The following UCK2 variants were observed in gnomAD, a reference collection of about 807,000 sequenced individuals.
The protein encoded by UCK2 is uridine-cytidine kinase 2.
A neutral mutation model predicts 30.8 loss-of-function variants in UCK2; 6 were observed. The ratio of observed to expected loss-of-function variants is 0.19; its 90% CI spans 0.11 to 0.38. UCK2 has a LOEUF of 0.38. UCK2 is among the 10% of genes least tolerant of loss of function. UCK2 has a pLI of 1.00. For synonymous variants in UCK2, 125 were observed against 133.6 expected (o/e 0.94, Z 0.45); for missense variants, 210 against 339.8 (o/e 0.62, Z 3.00).
chr1:165,839,513 G>T (rs1208405927), intron 1 of UCK2, among the ~76,000 whole-genome samples: 2 of 152,150 alleles, frequency 1.3e-5, no homozygotes, highest in Non-Finnish European at 2.9e-5. Context: ...GGCTCTTCTT[G>T]CTGGGTCTTG....
chr1:165,880,927 C>T (rs1655482714), intron 1 of UCK2, among the ~76,000 whole-genome samples: 1 of 151,828 alleles, frequency 6.6e-6, no homozygotes, highest in Admixed American at 6.6e-5. Context: ...ATCCCAGCAC[C>T]ATGGGAGGCC....
chr1:165,858,442 T>A (rs1654808653), intron 1 of UCK2, among the ~76,000 whole-genome samples: 1 of 152,154 alleles, frequency 6.6e-6, no homozygotes, highest in Non-Finnish European at 1.5e-5. Flanking sequence ...GAGCCTTGCC[T>A]ACATTAGCTC....
At chr1:165,838,710 A>C (rs1161929946) in intron 1 of UCK2, among the ~76,000 whole-genome samples, 1 of 151,808 alleles carries the variant, frequency 6.6e-6, no homozygotes, top group Non-Finnish European at 1.5e-5. Flanking sequence ...TTGGTCTTGT[A>C]AGTGTGCATG....
chr1:165,857,725 G>A (rs1454951622), intron 1 of UCK2, among the ~76,000 whole-genome samples: 2 of 152,208 alleles, frequency 1.3e-5, no homozygotes, highest in African/African-American at 4.8e-5. Flanking sequence ...GCGAAGCGAA[G>A]CATTTGAATG....
At position 165,827,891 on chromosome 1, in the gene UCK2, C is replaced by A; in HGVS notation, c.58C>A (p.Pro20Thr). The change falls in exon 1 of 7, where the codon CCC becomes ACC. Residue 20 changes from proline to threonine, a missense_variant. Transcript: ENST00000367879. ...QNHQQPNGGE[P>T]FLIGVSGGTA... The stretch of plus-strand genomic sequence containing the variant: ...CCACCAGCAGCCCAACGGCGGCGAG[C>A]CCTTCCTTATAGGCGTCAGCGGGGG... The A allele has an allele frequency of 6.8e-7, 1 of 1,477,552 alleles. No homozygotes were observed. Among genetic ancestry groups the A allele is most frequent in the Non-Finnish European group, 9.0e-7 (1 of 1,107,204 alleles). 91.5% of individuals were successfully genotyped at this position (1,477,552 alleles called of 1,614,324 possible). A position where few individuals can be genotyped will look rare whatever the true frequency, so the allele number is the denominator to read the frequency against.
chr1:165,836,208 A>G (rs1654184503), intron 1 of UCK2, among the ~76,000 whole-genome samples: 1 of 151,970 alleles, frequency 6.6e-6, no homozygotes, highest in African/African-American at 2.4e-5. Context: ...AGCCTGGGCG[A>G]CAAGAGCAAG....
rs776811720 is a variant in UCK2 at position 165,910,320 on chromosome 1, G to A, written c.*2497G>A. ...CTGATTCCATGGAGAGTCAGGAGTA[G>A]AATTAGTGGACCAGAAACCATGACA... On this transcript the variant is annotated 3_prime_UTR_variant, in exon 7 of 7. Transcript: ENST00000367879. 4 of 152,248 alleles carry A rather than the reference G, an allele frequency of 2.6e-5. No individual in the cohort carries two copies. Among genetic ancestry groups the A allele is most frequent in the Non-Finnish European group, 4.4e-5 (3 of 68,068 alleles). The allele number at this position is 152,248 out of a possible 1,614,324, so 9.4% of individuals were successfully genotyped here. A position where few individuals can be genotyped will look rare whatever the true frequency, so the allele number is the denominator to read the frequency against.
intron 1 of UCK2, among the ~76,000 whole-genome samples, chr1:165,842,068 G>T (rs191734471): frequency 1.2e-4 from 19 of 152,324 alleles, no homozygotes; most frequent in Admixed American, 7.2e-4. Context: ...CGTTGGAGCT[G>T]TAGATTCTTT....
chr1:165,839,868 C>T lies in UCK2; in HGVS notation c.99+11936C>T, dbSNP rs779971967. 5.9e-5 allele frequency among the ~76,000 whole-genome samples: 9 copies of T among 152,194 alleles called. No individual in the cohort carries two copies. The South Asian group carries it at 6.2e-4, about 11-fold the overall frequency. ...CAGTGGGCCGGTCACTTGCCGGTAC[C>T]GTGATTCATGTTCTGTGCAGATGTG... On this transcript the variant is annotated intron_variant, in intron 1 of 6. Coordinates refer to ENST00000367879, the MANE Select transcript of UCK2 (RefSeq NM_012474.5).
chr1:165,887,199 G>A (rs746947023), intron 1 of UCK2, among the ~76,000 whole-genome samples: 18 of 152,330 alleles, frequency 1.2e-4, no homozygotes, highest in Non-Finnish European at 2.1e-4. Flanking sequence ...TACACTGTTA[G>A]CAGTGGTAGT....
In UCK2 at chr1:165,899,733, G is replaced by C. The variant is rs181055404; in HGVS notation, c.499+3401G>C. 8.1e-3 allele frequency among the ~76,000 whole-genome samples: 1,228 copies of C among 152,304 alleles called. 33 individuals carry two copies. The highest frequency in any genetic ancestry group is 0.057 in the Admixed American group (870 of 15,294). On this transcript the variant is annotated intron_variant, in intron 4 of 6. Transcript: ENST00000367879. ...TGGTTTTGAGCCCCTGGGGTTTCCA[G>C]GTTGTGCCAAGACCTTGTTTGGACT...
intron 1 of UCK2, among the ~76,000 whole-genome samples, chr1:165,843,429 GT>G (rs1427656783): frequency 6.6e-6 from 1 of 152,154 alleles, no homozygotes; most frequent in African/African-American, 2.4e-5. Context: ...TAGGCCACAG[GT>G]TTTTTGAGGG....
chr1:165,888,964 G>T (rs1252553680), intron 1 of UCK2, among the ~76,000 whole-genome samples: 1 of 152,116 alleles, frequency 6.6e-6, no homozygotes, highest in Non-Finnish European at 1.5e-5. Flanking sequence ...CTTTTACGAA[G>T]AGTATATTGA....
chr1:165,850,558 A>G (rs573804329), intron 1 of UCK2, among the ~76,000 whole-genome samples: 182 of 150,802 alleles, frequency 1.2e-3, no homozygotes, highest in Admixed American at 2.4e-3. Context: ...TCCTGCTTCA[A>G]CCTCCCAAGT....
intron 4 of UCK2, among the ~76,000 whole-genome samples, chr1:165,901,056 G>T (rs1024087576): frequency 1.8e-4 from 27 of 152,156 alleles, no homozygotes; most frequent in Non-Finnish European, 3.7e-4. Flanking sequence ...ACTTCTGGGG[G>T]GTGAGCCACG....
chr1:165,837,157 C>T (rs1323528829), intron 1 of UCK2, among the ~76,000 whole-genome samples: 1 of 152,198 alleles, frequency 6.6e-6, no homozygotes, highest in Non-Finnish European at 1.5e-5. Context: ...CCACATTGGG[C>T]ATCAAGTTTT....
intron 1 of UCK2, among the ~76,000 whole-genome samples, chr1:165,841,945 A>C (rs1413278837): frequency 6.6e-6 from 1 of 152,232 alleles, no homozygotes; most frequent in Non-Finnish European, 1.5e-5. Context: ...AATACCAAGT[A>C]AATGCTACAG....
intron 1 of UCK2, among the ~76,000 whole-genome samples, chr1:165,857,160 CTA>C (rs1654768935): frequency 6.6e-6 from 1 of 152,110 alleles, no homozygotes; most frequent in South Asian, 2.1e-4. Context: ...CATGACAAAA[CTA>C]AGACTCAGAG....
chr1:165,850,074 A>G (rs944876970), intron 1 of UCK2, among the ~76,000 whole-genome samples: 15 of 152,174 alleles, frequency 9.9e-5, no homozygotes, highest in Admixed American at 1.3e-4. Flanking sequence ...CCTTCCTTAG[A>G]TCTAAGTTGA....
Sources: gnomAD v4.1 joint callset for allele counts (sites outside exome capture counted in the v4.1 genomes callset) on GRCh38, gnomAD v4.1.1 for gene constraint, MANE v1.5 for transcripts, NCBI Gene and HGNC (gene_info 2026-07-23, HGNC 2026-07-21) for gene names.